Variants in EOLA1 observed in about 807,000 individuals in gnomAD.
EOLA1 encodes the protein protein EOLA1.
EOLA1 carries 1 observed loss-of-function variant against 4.5 expected under a neutral mutation model. That is an observed-to-expected ratio of 0.22 (90% CI 0.08 to 1.05). EOLA1 has a LOEUF of 1.05. Among genes scored for constraint, EOLA1 ranks in the 50% least tolerant of loss-of-function variants. EOLA1 has a pLI of 0.57. For missense variants in EOLA1, 69 were observed against 127.2 expected (o/e 0.54, Z 2.20); for synonymous variants, 37 against 52.3 (o/e 0.71, Z 1.26).
At chrX:149,546,665 A>G (rs2089853358) in intron 4 of EOLA1, 74 bp from the exon 5 acceptor site, 1 of 1,041,587 alleles carries the variant, frequency 9.6e-7, no homozygotes, top group Non-Finnish European at 1.3e-6. Context: ...ACTTTGAGTA[A>G]CTGTGTTGTC....
In EOLA1 at chrX:149,544,604, G is replaced by T. The variant is rs186825237; in HGVS notation, c.-162-764G>T. 2.4e-3 allele frequency: 1,778 copies of T among 751,235 alleles called. 74 individuals are homozygous for T. In the African/African-American group the frequency reaches 0.039, roughly 17 times the overall value. The allele number at this position is 751,235 out of a possible 1,213,427, so 61.9% of individuals were successfully genotyped here. On this transcript the variant is annotated intron_variant, in intron 2 of 4. Transcript: ENST00000393985. ...ATGTGGAAACTGAGGCATCTCAAGA[G>T]TCTATGACTGGGCTGAGGTTCTGGT...
rs782725550 is a variant in EOLA1, at chrX:149,544,598, T to G, written c.-162-770T>G. ...ACAGCCATGTGGAAACTGAGGCATC[T>G]CAAGAGTCTATGACTGGGCTGAGGT... On this transcript the variant is annotated intron_variant, in intron 2 of 4. Transcript: ENST00000393985. 2.5e-4 allele frequency: 186 copies of G among 750,698 alleles called. 1 individual carries two copies. Among genetic ancestry groups the G allele is most frequent in the Non-Finnish European group, 2.8e-4 (176 of 638,201 alleles). 61.9% of individuals were successfully genotyped at this position (750,698 alleles called of 1,213,427 possible).
intron 4 of EOLA1, among the ~76,000 whole-genome samples, chrX:149,546,224 A>G (rs2089841582): frequency 9.9e-6 from 1 of 100,703 alleles, no homozygotes; most frequent in Admixed American, 1.1e-4. Flanking sequence ...GGCAGAGACC[A>G]TGAAAAGCAG....
downstream of EOLA1, chrX:149,548,557 A>G (rs1229208700): frequency 7.7e-6 from 7 of 913,829 alleles, no homozygotes; most frequent in Admixed American, 2.0e-4. Context: ...CCGAAGATGT[A>G]AATGTGACAT....
At position 149,545,622 on chromosome X, in the gene EOLA1, C is replaced by G; in HGVS notation, c.-9C>G. 8.3e-7 allele frequency: 1 copy of G among 1,204,604 alleles called. No homozygotes were observed. Among genetic ancestry groups the G allele is most frequent in the South Asian group, 1.8e-5 (1 of 56,706 alleles). On this transcript the variant is annotated 5_prime_UTR_variant, in exon 4 of 5. Coordinates refer to ENST00000393985, the MANE Select transcript of EOLA1 (RefSeq NM_001171907.3). ...CGCAGGCTACGGGAGGCCCGGGGCG[C>G]TTGCGAAGATGAAGTTTGGCTGCCT...
In EOLA1 at chrX:149,548,164, A is replaced by G. The variant is rs2089883149; in HGVS notation, c.*1202A>G. On this transcript the variant is annotated 3_prime_UTR_variant, in exon 5 of 5. Coordinates refer to ENST00000393985, the MANE Select transcript of EOLA1 (RefSeq NM_001171907.3). ...TTCCAGCCTCCCCTGGTTTCTGCCA[A>G]TGAGATGTATATAATATACAAGGTT... 3 of 301,666 alleles carry G rather than the reference A, an allele frequency of 9.9e-6. No individual in the cohort carries two copies. Among genetic ancestry groups the G allele is most frequent in the Non-Finnish European group, 1.6e-5 (3 of 186,314 alleles). 24.9% of individuals were successfully genotyped at this position (301,666 alleles called of 1,213,427 possible).
intron 2 of EOLA1, among the ~76,000 whole-genome samples, chrX:149,543,813 C>T (rs2089778260): frequency 2.2e-5 from 2 of 89,810 alleles, no homozygotes. Flanking sequence ...GCCTGCACCA[C>T]GGGATTCAGA....
At chrX:149,540,919 T>C (rs1453589688), upstream of EOLA1, 1 of 113,141 alleles carries the variant, frequency 8.8e-6, no homozygotes, top group Admixed American at 9.3e-5. Flanking sequence ...GCTGAGTACG[T>C]GCCTCCCGCG....
intron 2 of EOLA1, among the ~76,000 whole-genome samples, chrX:149,544,217 G>A (rs1602800397): frequency 1.6e-5 from 1 of 61,707 alleles, no homozygotes; most frequent in East Asian, 4.4e-4. Flanking sequence ...GAGCACAGCA[G>A]GCAACCGGCT....
At chrX:149,544,969 G>C (rs2089809931) in intron 2 of EOLA1, 1 of 735,471 alleles carries the variant, frequency 1.4e-6, no homozygotes, top group Non-Finnish European at 1.6e-6. Context: ...ACAGTGGAGA[G>C]CAGTGGTAGG....
intron 1 of EOLA1, 75 bp from the exon 2 acceptor site, chrX:149,541,944 C>T (rs1318489357): frequency 1.6e-6 from 1 of 627,451 alleles, no homozygotes; most frequent in South Asian, 8.2e-5. Flanking sequence ...AAGTACATGA[C>T]CTTCTTAGGG....
intron 2 of EOLA1, among the ~76,000 whole-genome samples, chrX:149,542,487 G>A (rs1303909772): frequency 1.0e-4 from 11 of 110,115 alleles, no homozygotes; most frequent in Admixed American, 8.7e-4. Context: ...CGTGCCAGGC[G>A]GCCGAGGCAT....
downstream of EOLA1, chrX:149,549,447 T>C (rs782581477): frequency 5.0e-5 from 58 of 1,162,874 alleles, no homozygotes; most frequent in Non-Finnish European, 6.4e-5. Context: ...CGAATGAAAC[T>C]CGTCAAGCTG....
intron 1 of EOLA1, 98 bp downstream of exon 1, chrX:149,541,441 C>T (rs1382551187): frequency 6.2e-5 from 7 of 112,920 alleles, no homozygotes; most frequent in African/African-American, 1.9e-4. Context: ...GGCAGGGTCT[C>T]GGCTCCGCTC....
Position 149,541,029 on chromosome X carries a change from C to G in EOLA1, c.-544C>G, listed in dbSNP as rs1193136829. 1 of 112,921 alleles carries G rather than the reference C, an allele frequency of 8.9e-6. No homozygotes were observed. The highest frequency in any genetic ancestry group is 1.9e-5 in the Non-Finnish European group (1 of 53,350). 9.3% of individuals were successfully genotyped at this position (112,921 alleles called of 1,213,427 possible). A position where few individuals can be genotyped will look rare whatever the true frequency, so the allele number is the denominator to read the frequency against. On this transcript the variant is annotated 5_prime_UTR_variant, in exon 1 of 5. Transcript: ENST00000393985. ...ATGAAAGCGGAAGAGTTATAGACCGCTAACACCTGTCACTGGCCACTGGTT... is the reference window on the plus strand; with the variant it reads ...ATGAAAGCGGAAGAGTTATAGACCGGTAACACCTGTCACTGGCCACTGGTT...
Position 149,548,279 on chromosome X carries a change from T to A in EOLA1, c.*1317T>A, listed in dbSNP as rs1228878499. 1.2e-6 allele frequency: 1 copy of A among 821,403 alleles called. No individual in the cohort carries two copies. The highest frequency in any genetic ancestry group is 5.9e-5 in the Admixed American group (1 of 16,950). 67.7% of individuals were successfully genotyped at this position (821,403 alleles called of 1,213,427 possible). ...TTTCTTTATTAAGACCAAAAATGTG[T>A]TTCTCATTAAAAAATGGCAACTTTT... On this transcript the variant is annotated 3_prime_UTR_variant, in exon 5 of 5. Coordinates refer to ENST00000393985, the MANE Select transcript of EOLA1 (RefSeq NM_001171907.3).
chrX:149,543,977 T>G (rs868918871), intron 2 of EOLA1, among the ~76,000 whole-genome samples: 3 of 588 alleles, frequency 5.1e-3, no homozygotes, highest in African/African-American at 8.5e-3. Flanking sequence ...GAGTGGGTGG[T>G]GGGGGGGGTG....
rs2089738773 is a variant in EOLA1, at chrX:149,542,006, C to T, written c.-229-13C>T. On this transcript the variant is annotated splice_polypyrimidine_tract_variant and intron_variant, in intron 1 of 4. Transcript: ENST00000393985. Reference sequence around the variant, plus strand: ...CTTAATGACCTTTCCTCTTTATCTTCCTTGTTGTGCAGGTAAAGAAGCTAA... The same window carrying T: ...CTTAATGACCTTTCCTCTTTATCTTTCTTGTTGTGCAGGTAAAGAAGCTAA... 1.3e-6 allele frequency: 1 copy of T among 749,298 alleles called. No individual in the cohort carries two copies. Among genetic ancestry groups the T allele is most frequent in the Non-Finnish European group, 1.6e-6 (1 of 633,067 alleles). 61.8% of individuals were successfully genotyped at this position (749,298 alleles called of 1,213,427 possible).
At position 149,548,114 on chromosome X, in the gene EOLA1, G is replaced by A. The variant is rs1557348317; in HGVS notation, c.*1152G>A. 4.7e-6 allele frequency: 1 copy of A among 212,516 alleles called. No individual in the cohort carries two copies. The highest frequency in any genetic ancestry group is 3.1e-5 in the African/African-American group (1 of 32,356). The allele number at this position is 212,516 out of a possible 1,213,427, so 17.5% of individuals were successfully genotyped here. A position where few individuals can be genotyped will look rare whatever the true frequency, so the allele number is the denominator to read the frequency against. ...TCTCCAAATAAACAAGGACAATGGGGACCAAAGCCTGTCTTGGACAGGATT... is the reference window on the plus strand; with the variant it reads ...TCTCCAAATAAACAAGGACAATGGGAACCAAAGCCTGTCTTGGACAGGATT... On this transcript the variant is annotated 3_prime_UTR_variant, in exon 5 of 5. Coordinates refer to ENST00000393985, the MANE Select transcript of EOLA1 (RefSeq NM_001171907.3).
Sources: allele counts gnomAD v4.1 joint callset (sites outside exome capture counted in the v4.1 genomes callset), GRCh38; gene constraint gnomAD v4.1.1; transcripts MANE v1.5; gene names NCBI Gene and HGNC (gene_info 2026-07-23, HGNC 2026-07-21).